RYR3: variants seen among roughly 807,000 people sequenced by gnomAD.
RYR3 encodes the protein brain ryanodine receptor-calcium release channel.
Under a neutral mutation model 584.3 loss-of-function variants are expected in RYR3, and 207 were observed. The ratio of observed to expected loss-of-function variants is 0.35; its 90% CI spans 0.32 to 0.40. The LOEUF (loss-of-function observed/expected upper bound fraction) is 0.40. RYR3 is among the 10% of genes least tolerant of loss of function. The probability of loss-of-function intolerance (pLI) is 1.00; values close to 1 mark genes in which losing one functional copy is unlikely to be tolerated. For missense variants in RYR3, 5,616 were observed against 6,089.2 expected (o/e 0.92, Z 2.59); for synonymous variants, 2,416 against 2,248.5 (o/e 1.07, Z -2.11).
chr15:33,669,461 G>C lies in RYR3; in HGVS notation c.5722+5G>C. On this transcript the variant is annotated splice_donor_5th_base_variant and intron_variant, in intron 37 of 103. Coordinates refer to ENST00000634891, the MANE Select transcript of RYR3 (RefSeq NM_001036.6). The stretch of plus-strand genomic sequence containing the variant: ...AGGACCTTCTCCTTCACTGTGGTAA[G>C]CTGCCCAGAGAAAGGCTTTGTCCTT... The C allele has an allele frequency of 6.2e-7, 1 of 1,612,574 alleles. No individual in the cohort carries two copies. The highest frequency in any genetic ancestry group is 8.5e-7 in the Non-Finnish European group (1 of 1,178,610).
At chr15:33,522,721 G>A (rs1166323807) in intron 3 of RYR3, among the ~76,000 whole-genome samples, 1 of 152,102 alleles carries the variant, frequency 6.6e-6, no homozygotes, top group African/African-American at 2.4e-5. Context: ...GCTCTTTGGG[G>A]TTTCATACCA....
At chr15:33,661,122 C>A (rs1006756923) in intron 34 of RYR3, among the ~76,000 whole-genome samples, 1 of 152,208 alleles carries the variant, frequency 6.6e-6, no homozygotes, top group South Asian at 2.1e-4. Context: ...AGCAGCAGGG[C>A]AGGCCATGGC....
chr15:33,513,112 GTTTTTTAAA>G (rs1397916810), intron 3 of RYR3, among the ~76,000 whole-genome samples: 1 of 152,182 alleles, frequency 6.6e-6, no homozygotes, highest in Non-Finnish European at 1.5e-5. Context: ...CACATTTGCA[GTTTTTTAAA>G]TCCTAGGAGA....
chr15:33,515,430 CTTT>C (rs546865798), intron 3 of RYR3, among the ~76,000 whole-genome samples: 52 of 152,320 alleles, frequency 3.4e-4, no homozygotes, highest in African/African-American at 1.1e-3. Context: ...TGGGAGAAAC[CTTT>C]GTAGGTCTGT....
At chr15:33,650,646 C>G (rs1227829477) in intron 31 of RYR3, among the ~76,000 whole-genome samples, 1 of 152,186 alleles carries the variant, frequency 6.6e-6, no homozygotes, top group African/African-American at 2.4e-5. Context: ...CCAACATCTT[C>G]CACCTATACC....
intron 81 of RYR3, among the ~76,000 whole-genome samples, chr15:33,823,520 G>C (rs991294739): frequency 1.3e-5 from 2 of 152,136 alleles, no homozygotes; most frequent in Admixed American, 1.3e-4. Context: ...ACAATTCTTT[G>C]AGCTTGAATA....
chr15:33,824,843 G>C (rs552193569), intron 81 of RYR3, among the ~76,000 whole-genome samples: 1 of 152,290 alleles, frequency 6.6e-6, no homozygotes, highest in Admixed American at 6.5e-5. Context: ...GAATAAGTTA[G>C]ACTCCGTTAG....
chr15:33,589,001 T>C (rs866024343), intron 16 of RYR3, among the ~76,000 whole-genome samples: 65 of 152,346 alleles, frequency 4.3e-4, no homozygotes, highest in African/African-American at 1.5e-3. Flanking sequence ...TCAAAAATGG[T>C]AGATCTATTT....
intron 38 of RYR3, among the ~76,000 whole-genome samples, chr15:33,678,830 A>G (rs984370504): frequency 3.9e-5 from 6 of 152,154 alleles, no homozygotes; most frequent in Non-Finnish European, 7.3e-5. Context: ...CCCAAGAACA[A>G]TGCTCCGGGT....
intron 1 of RYR3, among the ~76,000 whole-genome samples, chr15:33,334,799 C>G (rs979119640): frequency 6.6e-6 from 1 of 151,960 alleles, no homozygotes; most frequent in African/African-American, 2.4e-5. Context: ...GTCTAATATC[C>G]AGCCTCTGTA....
chr15:33,789,674 T>C (rs1475998811), intron 67 of RYR3, among the ~76,000 whole-genome samples: 2 of 42,618 alleles, frequency 4.7e-5, no homozygotes, highest in African/African-American at 1.4e-4. Flanking sequence ...TTTTTTTTTT[T>C]TTTTTTTTTT....
At chr15:33,740,442 T>C (rs2069969856) in intron 51 of RYR3, among the ~76,000 whole-genome samples, 1 of 152,170 alleles carries the variant, frequency 6.6e-6, no homozygotes, top group African/African-American at 2.4e-5. Context: ...CAGAACAGTG[T>C]GGGGTCCTCA....
Position 33,311,355 on chromosome 15 carries a change from G to A in RYR3, c.51+259G>A, listed in dbSNP as rs1967246081. Among the ~76,000 whole-genome samples the A allele has an allele frequency of 6.6e-6, 1 of 152,186 alleles. No individual in the cohort carries two copies. Among genetic ancestry groups the A allele is most frequent in the South Asian group, 2.1e-4 (1 of 4,834 alleles). ...CCAGGCCCTCCACCTAGGACCGCTCGCTCTCCAGGCAACTTGCTACTTGGT... is the reference window on the plus strand; with the variant it reads ...CCAGGCCCTCCACCTAGGACCGCTCACTCTCCAGGCAACTTGCTACTTGGT... On this transcript the variant is annotated intron_variant, in intron 1 of 103. Transcript: ENST00000634891. This position sits in a 1 kb window ranked among gnomAD's most constrained non-coding sequence, Gnocchi z 4.4.
chr15:33,366,909 T>C (rs1975579867), intron 1 of RYR3, among the ~76,000 whole-genome samples: 1 of 152,092 alleles, frequency 6.6e-6, no homozygotes, highest in Non-Finnish European at 1.5e-5. Flanking sequence ...TAAGATGGAA[T>C]ACCACACAGG....
At chr15:33,551,001 C>T (rs879576035) in intron 10 of RYR3, among the ~76,000 whole-genome samples, 4 of 152,170 alleles carry the variant, frequency 2.6e-5, no homozygotes, top group Non-Finnish European at 5.9e-5. Flanking sequence ...AATTGCTTTA[C>T]CATTTGATGT....
rs1386758406 is a variant in RYR3, at chr15:33,579,997, C to T, written c.1290C>T (p.Ala430=). The T allele has an allele frequency of 6.2e-7, 1 of 1,611,820 alleles. No individual in the cohort carries two copies. The change falls in exon 13 of 104, where the codon GCC becomes GCT. Residue 430 remains alanine, a synonymous_variant. Coordinates refer to ENST00000634891, the MANE Select transcript of RYR3 (RefSeq NM_001036.6). ...QFVSGNNRTA[A]PITLPIEEVL... is the part of the protein sequence containing the mutation. ...TTAGCGGAAACAATCGCACAGCTGC[C>T]CCCATCACCCTGCCTATAGAAGAAG...
intron 60 of RYR3, 93 bp from the exon 61 acceptor site, chr15:33,768,565 G>C: frequency 9.2e-7 from 1 of 1,089,734 alleles, no homozygotes; most frequent in Non-Finnish European, 1.4e-6. Context: ...TGTGCTCTCT[G>C]TTTCACAGTG....
chr15:33,563,042 T>C lies in RYR3; in HGVS notation c.1146+32T>C, dbSNP rs2057497413. 2.6e-6 allele frequency: 4 copies of C among 1,567,230 alleles called. No homozygotes were observed. In the Admixed American group the frequency reaches 5.6e-5, roughly 22 times the overall value. On this transcript the variant is annotated intron_variant, in intron 11 of 103. Transcript: ENST00000634891. ...GTCAGAATATCTGTCTACAATTGTTTTACCCTGAGTTGGAAGCAACTAGGC... is the reference window on the plus strand; with the variant it reads ...GTCAGAATATCTGTCTACAATTGTTCTACCCTGAGTTGGAAGCAACTAGGC...
chr15:33,813,214 G>A (rs2076639353), intron 73 of RYR3, among the ~76,000 whole-genome samples: 1 of 152,138 alleles, frequency 6.6e-6, no homozygotes, highest in African/African-American at 2.4e-5. Context: ...CTTGCCATTA[G>A]CTCAAATGCC....
Sources: allele counts gnomAD v4.1 joint callset (sites outside exome capture counted in the v4.1 genomes callset), GRCh38; gene constraint gnomAD v4.1.1; non-coding constraint Gnocchi (gnomAD v3.1); transcripts MANE v1.5; gene names NCBI Gene and HGNC (gene_info 2026-07-23, HGNC 2026-07-21).